TNS3: variants seen among roughly 807,000 people sequenced by gnomAD.
TNS3 encodes the protein tensin-3.
A neutral mutation model predicts 140.9 loss-of-function variants in TNS3; 45 were observed. The observed-to-expected ratio is 0.32, with a 90% CI of 0.25 to 0.41. TNS3 has a LOEUF of 0.41. TNS3 is among the 10% of genes least tolerant of loss of function. The probability of loss-of-function intolerance (pLI) is 1.00; values close to 1 mark genes in which losing one functional copy is unlikely to be tolerated. For synonymous variants in TNS3, 815 were observed against 788.4 expected (o/e 1.03, Z -0.56); for missense variants, 1,716 against 1,906.7 (o/e 0.90, Z 1.86).
At chr7:47,425,173 G>A (rs938581734) in intron 9 of TNS3, among the ~76,000 whole-genome samples, 9 of 152,070 alleles carry the variant, frequency 5.9e-5, no homozygotes, top group Admixed American at 4.6e-4. Flanking sequence ...AAAAATTACC[G>A]CGGCATGATG....
chr7:47,419,395 AC>A, intron 10 of TNS3, among the ~76,000 whole-genome samples: 1 of 152,264 alleles, frequency 6.6e-6, no homozygotes, highest in East Asian at 1.9e-4. Flanking sequence ...AAAAATTTTA[AC>A]AGTGAGAGAA....
intron 14 of TNS3, 110 bp downstream of exon 14, chr7:47,400,675 G>T (rs2151344597): frequency 2.6e-6 from 4 of 1,516,284 alleles, no homozygotes; most frequent in East Asian, 2.3e-5. Context: ...GAACAATTTT[G>T]TCAGTAGGCT....
chr7:47,292,853 C>T lies in TNS3; in HGVS notation c.3825G>A (p.Pro1275=), dbSNP rs372093117. 81 of 1,614,138 alleles carry T rather than the reference C, an allele frequency of 5.0e-5. 1 individual carries two copies. In the East Asian group the frequency reaches 8.5e-4, roughly 17 times the overall value. Residue 1275 remains proline, a synonymous_variant, in exon 26 of 31, where the codon CCG becomes CCA. Coordinates refer to ENST00000311160, the MANE Select transcript of TNS3 (RefSeq NM_022748.12). ...CTCTCTCTGGGATAAGCAGCTTGCA[C>T]GGCAAGGCCAAGGGCGTGATGGAAT... ...CQHSITPLAL[P]CKLLIPERDP...
chr7:47,376,755 A>ACACAC (rs10522516), intron 16 of TNS3, among the ~76,000 whole-genome samples: 5 of 151,518 alleles, frequency 3.3e-5, no homozygotes, highest in Admixed American at 6.6e-5. Flanking sequence ...ACACACACAC[A>ACACAC]AACTCATATA....
At chr7:47,476,901 C>G (rs1052732884) in intron 4 of TNS3, among the ~76,000 whole-genome samples, 2 of 152,228 alleles carry the variant, frequency 1.3e-5, no homozygotes, top group Non-Finnish European at 2.9e-5. Context: ...ATGAATTAAT[C>G]TAACCTCACA....
At position 47,331,382 on chromosome 7, in the gene TNS3, C is replaced by G. The variant is rs1269333751; in HGVS notation, c.2650+13373G>C. ...GAGCTCTACTCTGGGGTTCTTGAGACTCAAGTGGAGTGCTCACTTGGGCAT... is the reference window on the plus strand; with the variant it reads ...GAGCTCTACTCTGGGGTTCTTGAGAGTCAAGTGGAGTGCTCACTTGGGCAT... On this transcript the variant is annotated intron_variant, in intron 20 of 30. Transcript: ENST00000311160. 2.0e-5 allele frequency among the ~76,000 whole-genome samples: 3 copies of G among 152,160 alleles called. No homozygotes were observed. In the East Asian group the frequency reaches 5.8e-4, roughly 29 times the overall value.
intron 1 of TNS3, among the ~76,000 whole-genome samples, chr7:47,564,450 A>G (rs2152003453): frequency 6.6e-6 from 1 of 152,034 alleles, no homozygotes; most frequent in South Asian, 2.1e-4. Context: ...AGCCTGACCA[A>G]CATGGTGAAA....
At chr7:47,518,479 A>T (rs984902070) in intron 2 of TNS3, among the ~76,000 whole-genome samples, 1 of 152,188 alleles carries the variant, frequency 6.6e-6, no homozygotes, top group African/African-American at 2.4e-5. Flanking sequence ...ATCCCCAGAT[A>T]TTCAGTTTTA....
At chr7:47,443,609 T>G (rs1038937263) in intron 4 of TNS3, among the ~76,000 whole-genome samples, 7 of 152,156 alleles carry the variant, frequency 4.6e-5, no homozygotes, top group Non-Finnish European at 1.0e-4. Context: ...GAGGACAACT[T>G]GTCAGTGTGT....
At position 47,275,674 on chromosome 7, in the gene TNS3, T is replaced by A; in HGVS notation, c.*2402A>T. 1 of 409,418 alleles carries A rather than the reference T, an allele frequency of 2.4e-6. No homozygotes were observed. The highest frequency in any genetic ancestry group is 4.9e-6 in the Non-Finnish European group (1 of 204,898). The allele number at this position is 409,418 out of a possible 1,614,324, so 25.4% of individuals were successfully genotyped here. A position where few individuals can be genotyped will look rare whatever the true frequency, so the allele number is the denominator to read the frequency against. Reference sequence around the variant, plus strand: ...ACAAAAGGAAGAAAGAAACTTCCTATACCAGCTCTTCAGAAATCGTGGAAA... The same window carrying A: ...ACAAAAGGAAGAAAGAAACTTCCTAAACCAGCTCTTCAGAAATCGTGGAAA... On this transcript the variant is annotated 3_prime_UTR_variant, in exon 31 of 31. Coordinates refer to ENST00000311160, the MANE Select transcript of TNS3 (RefSeq NM_022748.12).
At chr7:47,341,335 G>T (rs1228368311) in intron 20 of TNS3, among the ~76,000 whole-genome samples, 1 of 152,172 alleles carries the variant, frequency 6.6e-6, no homozygotes, top group Non-Finnish European at 1.5e-5. Flanking sequence ...TTCTTTACAT[G>T]TTTGGTAGAA....
chr7:47,475,686 G>A (rs897695417), intron 4 of TNS3, among the ~76,000 whole-genome samples: 3 of 152,268 alleles, frequency 2.0e-5, no homozygotes, highest in Non-Finnish European at 1.5e-5. Flanking sequence ...TGAATCAATC[G>A]CTTGCAGAGT....
chr7:47,444,917 G>T (rs1216404549), intron 4 of TNS3, among the ~76,000 whole-genome samples: 1 of 152,210 alleles, frequency 6.6e-6, no homozygotes, highest in East Asian at 1.9e-4. Context: ...TGAAAAGTCA[G>T]AAAGTGTTGA....
chr7:47,283,297 C>G (rs528302670), intron 28 of TNS3, among the ~76,000 whole-genome samples: 1 of 152,174 alleles, frequency 6.6e-6, no homozygotes, highest in Admixed American at 6.5e-5. Flanking sequence ...CAAGGTCATA[C>G]GCTCACCTGA....
chr7:47,519,953 A>T (rs1381626583), intron 2 of TNS3, among the ~76,000 whole-genome samples: 1 of 149,490 alleles, frequency 6.7e-6, no homozygotes, highest in East Asian at 2.0e-4. Context: ...TCTCCCGAGT[A>T]GCTGGGACTA....
chr7:47,567,030 CAA>C (rs541987899), intron 1 of TNS3, among the ~76,000 whole-genome samples: 6 of 98,722 alleles, frequency 6.1e-5, no homozygotes, highest in African/African-American at 1.2e-4. Flanking sequence ...GACTCCATCT[CAA>C]AAAAAAAAAA....
chr7:47,388,448 C>T (rs1301327182), intron 16 of TNS3, among the ~76,000 whole-genome samples: 1 of 152,122 alleles, frequency 6.6e-6, no homozygotes, highest in East Asian at 1.9e-4. Context: ...AGGGCAGGGG[C>T]ATGAATCATT....
chr7:47,478,816 A>T (rs139139969), intron 4 of TNS3, among the ~76,000 whole-genome samples: 79 of 152,246 alleles, frequency 5.2e-4, no homozygotes, highest in African/African-American at 1.7e-3. Context: ...TATAACATGC[A>T]TGTATGTGTT....
intron 3 of TNS3, among the ~76,000 whole-genome samples, chr7:47,492,925 G>C (rs1285167320): frequency 2.6e-5 from 4 of 152,232 alleles, no homozygotes; most frequent in Non-Finnish European, 4.4e-5. Context: ...ACGGCACTGA[G>C]CTCACAGGGA....
Sources: allele counts gnomAD v4.1 joint callset (sites outside exome capture counted in the v4.1 genomes callset), GRCh38; gene constraint gnomAD v4.1.1; transcripts MANE v1.5; gene names NCBI Gene and HGNC (gene_info 2026-07-23, HGNC 2026-07-21).